The following ESRRG variants were observed in gnomAD, a reference collection of about 807,000 sequenced individuals.
The protein encoded by ESRRG is estrogen related receptor gamma.
A neutral mutation model predicts 44.0 loss-of-function variants in ESRRG; 13 were observed. The observed-to-expected ratio is 0.30, with a 90% CI of 0.19 to 0.47. The LOEUF (loss-of-function observed/expected upper bound fraction) is 0.47. Among genes scored for constraint, ESRRG ranks in the 20% least tolerant of loss-of-function variants. The probability of loss-of-function intolerance (pLI) is 1.00; values close to 1 mark genes in which losing one functional copy is unlikely to be tolerated. For missense variants in ESRRG, 395 were observed against 580.6 expected (o/e 0.68, Z 3.29); for synonymous variants, 215 against 214.6 (o/e 1.00, Z -0.02).
chr1:217,087,860 C>G (rs1217340547), intron 1 of ESRRG, among the ~76,000 whole-genome samples: 1 of 152,128 alleles, frequency 6.6e-6, no homozygotes, highest in African/African-American at 2.4e-5. Flanking sequence ...GATTCTTTTT[C>G]TATTTGAAGG....
chr1:216,509,091 ATT>A (rs778476800), intron 6 of ESRRG, among the ~76,000 whole-genome samples: 50 of 152,216 alleles, frequency 3.3e-4, no homozygotes, highest in Non-Finnish European at 5.7e-4. Flanking sequence ...ACATGGCCTC[ATT>A]TTACCTCCCC....
At chr1:216,753,675 T>C (rs960498198) in intron 2 of ESRRG, among the ~76,000 whole-genome samples, 12 of 152,124 alleles carry the variant, frequency 7.9e-5, no homozygotes, top group Non-Finnish European at 1.8e-4. Context: ...TCCTGTGGTA[T>C]AGCCCTTTAA....
At chr1:216,598,794 C>T (rs970489490) in intron 3 of ESRRG, among the ~76,000 whole-genome samples, 4 of 151,860 alleles carry the variant, frequency 2.6e-5, no homozygotes, top group African/African-American at 9.7e-5. Context: ...TTGTATACCT[C>T]ATCAGTTTCC....
At chr1:216,559,744 A>G (rs1439618678) in intron 5 of ESRRG, among the ~76,000 whole-genome samples, 1 of 152,216 alleles carries the variant, frequency 6.6e-6, no homozygotes, top group Non-Finnish European at 1.5e-5. Context: ...GTACCCAGTA[A>G]TGAGTATTTT....
At chr1:216,651,761 A>G (rs1012186614) in intron 2 of ESRRG, among the ~76,000 whole-genome samples, 1 of 152,322 alleles carries the variant, frequency 6.6e-6, no homozygotes, top group East Asian at 1.9e-4. Context: ...AATTAATTCC[A>G]AACACTGAAG....
intron 1 of ESRRG, chr1:216,959,663 G>A (rs2068652421): frequency 6.6e-6 from 1 of 151,822 alleles, no homozygotes; most frequent in African/African-American, 2.4e-5. Context: ...CTCCAGCCTG[G>A]GTGACAAAGC....
chr1:216,544,364 C>G (rs906709572), intron 5 of ESRRG, among the ~76,000 whole-genome samples: 1 of 151,978 alleles, frequency 6.6e-6, no homozygotes, highest in East Asian at 1.9e-4. Context: ...TAAACAAAGT[C>G]TATTACATAC....
chr1:217,122,664 C>CAT (rs2092835272), intron 1 of ESRRG, among the ~76,000 whole-genome samples: 1 of 87,340 alleles, frequency 1.1e-5, no homozygotes, highest in Non-Finnish European at 2.2e-5. Flanking sequence ...GACACACACA[C>CAT]TTTTTTTTTT....
intron 2 of ESRRG, among the ~76,000 whole-genome samples, chr1:216,909,648 T>C (rs1578007791): frequency 6.6e-6 from 1 of 152,048 alleles, no homozygotes; most frequent in Non-Finnish European, 1.5e-5. Flanking sequence ...GCCTCCCAAA[T>C]TGCTGGGAAT....
At chr1:217,022,936 G>A (rs2080590097) in intron 1 of ESRRG, among the ~76,000 whole-genome samples, 1 of 152,186 alleles carries the variant, frequency 6.6e-6, no homozygotes. Flanking sequence ...GGGACCTAGA[G>A]TTTAAGTTAG....
At chr1:216,760,080 T>C (rs1440693913) in intron 2 of ESRRG, among the ~76,000 whole-genome samples, 1 of 152,054 alleles carries the variant, frequency 6.6e-6, no homozygotes, top group Non-Finnish European at 1.5e-5. Flanking sequence ...GTGCATGTCT[T>C]CCACATGTCT....
intron 2 of ESRRG, among the ~76,000 whole-genome samples, chr1:216,939,153 A>G (rs1262225315): frequency 1.3e-5 from 2 of 152,022 alleles, no homozygotes; most frequent in East Asian, 3.9e-4. Flanking sequence ...CGTAAAGAAG[A>G]GTAATATTTT....
At chr1:216,528,597 T>C (rs966397956) in intron 5 of ESRRG, among the ~76,000 whole-genome samples, 5 of 152,194 alleles carry the variant, frequency 3.3e-5, no homozygotes, top group Non-Finnish European at 7.4e-5. Context: ...TGCTCATTGC[T>C]TCTTTCTACT....
intron 6 of ESRRG, among the ~76,000 whole-genome samples, chr1:216,518,736 A>G (rs1409062009): frequency 6.6e-6 from 1 of 152,234 alleles, no homozygotes; most frequent in Non-Finnish European, 1.5e-5. Flanking sequence ...TCAAAGCAAC[A>G]CTAAATATAT....
In ESRRG at chr1:216,902,084, ATCT is replaced by A. The variant is rs545730612; in HGVS notation, c.-14+37495_-14+37497del. Among the ~76,000 whole-genome samples, 542 of 152,286 alleles carry A rather than the reference ATCT, an allele frequency of 3.6e-3. 2 individuals carry two copies. The highest frequency in any genetic ancestry group is 6.6e-3 in the Non-Finnish European group (449 of 68,020). On this transcript the variant is annotated intron_variant, in intron 2 of 7. Coordinates refer to the ESRRG transcript ENST00000359162. ...TTTATATCTGAAGTTCATCTACATGATCTTCTCAAGACATCTCTCCCAACTGCT... is the reference window on the plus strand; with the variant it reads ...TTTATATCTGAAGTTCATCTACATGATCTCAAGACATCTCTCCCAACTGCT...
rs147115622 is a variant in ESRRG, at chr1:216,528,098, G to A, written c.863-8677C>T. Among the ~76,000 whole-genome samples the A allele has an allele frequency of 1.8e-3, 277 of 152,268 alleles. 4 individuals are homozygous for A. Among genetic ancestry groups the A allele is most frequent in the African/African-American group, 6.2e-3 (256 of 41,566 alleles). On this transcript the variant is annotated intron_variant, in intron 5 of 6. Transcript: ENST00000408911. ...TGACTGGCTTTCAAAAAGATGCGAC[G>A]TTAGGAATGAAAAGACCATTGCAGG...
chr1:217,051,214 G>C (rs11805936), intron 1 of ESRRG, among the ~76,000 whole-genome samples: 8,594 of 116,062 alleles, frequency 0.074, 1,490 homozygotes, highest in African/African-American at 0.22. Context: ...CGGGGGGGGG[G>C]GGTGCCAGGG....
intron 1 of ESRRG, among the ~76,000 whole-genome samples, chr1:216,983,686 ATGTGTGTGTGTGTG>A (rs6143621): frequency 5.4e-5 from 8 of 149,352 alleles, no homozygotes; most frequent in African/African-American, 1.2e-4. Context: ...GTGCATGTGC[ATGTGTGTGTGTGTG>A]TGTGTGTGTG....
chr1:216,640,301 A>G (rs1331973729), intron 3 of ESRRG, among the ~76,000 whole-genome samples: 1 of 152,160 alleles, frequency 6.6e-6, no homozygotes, highest in Non-Finnish European at 1.5e-5. Context: ...CGGGCACCTC[A>G]GACTTCTGCC....
Sources: gnomAD v4.1 joint callset for allele counts (sites outside exome capture counted in the v4.1 genomes callset) on GRCh38, gnomAD v4.1.1 for gene constraint, MANE v1.5 for transcripts, NCBI Gene and HGNC (gene_info 2026-07-23, HGNC 2026-07-21) for gene names.